Variants in CAMK4 observed in about 807,000 individuals in gnomAD.
The protein encoded by CAMK4 is calcium/calmodulin dependent protein kinase IV.
CAMK4 carries 22 observed loss-of-function variants against 44.9 expected under a neutral mutation model. The observed-to-expected ratio is 0.49, with a 90% CI of 0.35 to 0.70. The LOEUF (loss-of-function observed/expected upper bound fraction) is 0.70, where lower values mean the gene tolerates loss of function less well. Ranked by LOEUF, CAMK4 falls within the 30% of genes least tolerant of loss-of-function variation. The pLI, the probability that CAMK4 is intolerant of heterozygous loss-of-function variation, is 0.01. For missense variants in CAMK4, 498 were observed against 586.8 expected (o/e 0.85, Z 1.56); for synonymous variants, 218 against 215.4 (o/e 1.01, Z -0.11).
intron 2 of CAMK4, among the ~76,000 whole-genome samples, chr5:111,373,645 C>T (rs1000449323): frequency 6.6e-6 from 1 of 152,068 alleles, no homozygotes; most frequent in Non-Finnish European, 1.5e-5. Flanking sequence ...ACCTTTTCTT[C>T]CTCAGGAGAA....
intron 3 of CAMK4, 24 bp from the exon 4 acceptor site, chr5:111,376,836 T>C (rs573731968): frequency 3.6e-6 from 5 of 1,384,696 alleles, no homozygotes; most frequent in African/African-American, 1.4e-5. Context: ...TTTGTGATAT[T>C]CTTTTTTTTA....
chr5:111,232,388 A>G (rs930575249), intron 1 of CAMK4, among the ~76,000 whole-genome samples: 5 of 152,142 alleles, frequency 3.3e-5, no homozygotes, highest in African/African-American at 9.7e-5. Context: ...GAAATTTGGC[A>G]GGATTTTAAT....
intron 5 of CAMK4, among the ~76,000 whole-genome samples, chr5:111,415,823 A>C (rs1475821227): frequency 6.6e-6 from 1 of 152,240 alleles, no homozygotes; most frequent in Non-Finnish European, 1.5e-5. Context: ...ATTTGGAAAA[A>C]AATAATAAAG....
At chr5:111,344,810 C>T (rs189451545) in intron 2 of CAMK4, among the ~76,000 whole-genome samples, 78 of 151,828 alleles carry the variant, frequency 5.1e-4, no homozygotes, top group African/African-American at 1.6e-3. Context: ...AATATAAATG[C>T]CAACACCTGT....
chr5:111,249,734 C>G (rs1404559639), intron 1 of CAMK4, among the ~76,000 whole-genome samples: 3 of 147,204 alleles, frequency 2.0e-5, no homozygotes, highest in Non-Finnish European at 4.5e-5. Flanking sequence ...ATCTCCCATA[C>G]ATTTTATTTT....
chr5:111,348,309 TTA>T (rs1749950078), intron 2 of CAMK4, among the ~76,000 whole-genome samples: 1 of 152,048 alleles, frequency 6.6e-6, no homozygotes, highest in Admixed American at 6.6e-5. Context: ...ATGCGCTGAC[TTA>T]TCCATAGGAA....
intron 5 of CAMK4, among the ~76,000 whole-genome samples, chr5:111,403,853 A>T (rs1752320510): frequency 6.6e-6 from 1 of 152,222 alleles, no homozygotes; most frequent in South Asian, 2.1e-4. Context: ...AATTCTGCCT[A>T]CATGGACTTC....
At chr5:111,481,236 T>A (rs1004065546) in intron 9 of CAMK4, among the ~76,000 whole-genome samples, 3 of 152,142 alleles carry the variant, frequency 2.0e-5, no homozygotes, top group Non-Finnish European at 4.4e-5. Flanking sequence ...GAAAAATGAT[T>A]GGAAAAGAAA....
intron 5 of CAMK4, among the ~76,000 whole-genome samples, chr5:111,443,747 C>T (rs1580761299): frequency 6.6e-6 from 1 of 152,186 alleles, no homozygotes; most frequent in East Asian, 1.9e-4. Flanking sequence ...TTTCATTTGT[C>T]TTTGTTACTG....
chr5:111,371,123 G>A (rs1750989638), intron 2 of CAMK4, among the ~76,000 whole-genome samples: 1 of 152,010 alleles, frequency 6.6e-6, no homozygotes, highest in African/African-American at 2.4e-5. Context: ...AACTTTTAGA[G>A]TCTTTTGCTG....
chr5:111,270,836 A>G (rs1009944864), intron 1 of CAMK4, among the ~76,000 whole-genome samples: 1 of 152,228 alleles, frequency 6.6e-6, no homozygotes, highest in Admixed American at 6.5e-5. Context: ...GTATTAGACC[A>G]TTCTCACACT....
intron 3 of CAMK4, among the ~76,000 whole-genome samples, chr5:111,375,285 C>A (rs306068): frequency 0.88 from 133,685 of 152,172 alleles, 58,938 homozygotes; most frequent in East Asian, 1. Context: ...ATTGCTTTCC[C>A]AAGTAATTTC....
At chr5:111,251,706 G>T (rs1302943782) in intron 1 of CAMK4, among the ~76,000 whole-genome samples, 1 of 152,038 alleles carries the variant, frequency 6.6e-6, no homozygotes, top group Non-Finnish European at 1.5e-5. Context: ...TCCCTTTAAA[G>T]GCTTCTAAAT....
chr5:111,243,507 G>C (rs1284642702), intron 1 of CAMK4, among the ~76,000 whole-genome samples: 1 of 152,178 alleles, frequency 6.6e-6, no homozygotes, highest in Non-Finnish European at 1.5e-5. Flanking sequence ...GTCAAGCAAA[G>C]AATCTTTGTC....
rs1046313525 is a variant in CAMK4, at chr5:111,436,191, G to A, written c.460-10495G>A. 1.3e-5 allele frequency among the ~76,000 whole-genome samples: 2 copies of A among 152,118 alleles called. 1 individual carries two copies. Among genetic ancestry groups the A allele is most frequent in the Admixed American group, 1.3e-4 (2 of 15,262 alleles). Reference sequence around the variant, plus strand: ...ATTGAATCTAAGAAAAGTAATGTAGGCAAAATGACATTTTCCACCAGTGCC... The same window carrying A: ...ATTGAATCTAAGAAAAGTAATGTAGACAAAATGACATTTTCCACCAGTGCC... On this transcript the variant is annotated intron_variant, in intron 5 of 10. Transcript: ENST00000282356.
At chr5:111,331,432 C>T (rs979970423) in intron 1 of CAMK4, among the ~76,000 whole-genome samples, 6 of 151,568 alleles carry the variant, frequency 4.0e-5, no homozygotes, top group Non-Finnish European at 8.8e-5. Flanking sequence ...TTGACATTTC[C>T]AAATGTTGAT....
intron 1 of CAMK4, among the ~76,000 whole-genome samples, chr5:111,258,382 TAA>T (rs979357897): frequency 2.7e-4 from 41 of 152,248 alleles, no homozygotes; most frequent in African/African-American, 9.6e-4. Flanking sequence ...ACACTGCTGA[TAA>T]AGACACACCC....
chr5:111,277,134 A>G (rs180690849), intron 1 of CAMK4, among the ~76,000 whole-genome samples: 9 of 152,238 alleles, frequency 5.9e-5, no homozygotes, highest in Non-Finnish European at 1.2e-4. Flanking sequence ...ATGTTAACAC[A>G]TGGATGATAA....
intron 2 of CAMK4, among the ~76,000 whole-genome samples, chr5:111,372,492 T>C (rs1751047226): frequency 6.6e-6 from 1 of 152,078 alleles, no homozygotes; most frequent in Admixed American, 6.6e-5. Flanking sequence ...TGTGGCCATG[T>C]TTCATGCCGT....
Sources: gnomAD v4.1 joint callset for allele counts (sites outside exome capture counted in the v4.1 genomes callset) on GRCh38, gnomAD v4.1.1 for gene constraint, MANE v1.5 for transcripts, NCBI Gene and HGNC (gene_info 2026-07-23, HGNC 2026-07-21) for gene names.